Variants in NAALADL2 observed in about 807,000 individuals in gnomAD.
The protein encoded by NAALADL2 is N-acetylated alpha-linked acidic dipeptidase like 2.
In NAALADL2, 76 loss-of-function variants were observed where a neutral mutation model predicts 87.2. The observed-to-expected ratio is 0.87, with a 90% CI of 0.72 to 1.05. The LOEUF is 1.05. NAALADL2 is among the 50% of genes least tolerant of loss of function. The pLI is 0.00. For missense variants in NAALADL2, 1,089 were observed against 945.8 expected (o/e 1.15, Z -1.99); for synonymous variants, 354 against 331.0 (o/e 1.07, Z -0.75).
intron 9 of NAALADL2, among the ~76,000 whole-genome samples, chr3:175,486,533 T>A (rs554691662): frequency 1.3e-5 from 2 of 152,270 alleles, no homozygotes; most frequent in Admixed American, 1.3e-4. Flanking sequence ...TACTTCTGAC[T>A]TCTGTTTTTC....
chr3:174,668,726 C>G (rs1444310864), intron 2 of NAALADL2, among the ~76,000 whole-genome samples: 1 of 152,176 alleles, frequency 6.6e-6, no homozygotes, highest in Non-Finnish European at 1.5e-5. Flanking sequence ...CCAGCTTCAT[C>G]CATGTCCCTA....
intron 1 of NAALADL2, among the ~76,000 whole-genome samples, chr3:174,867,910 G>T (rs937362186): frequency 2.0e-5 from 3 of 152,000 alleles, no homozygotes; most frequent in Admixed American, 6.6e-5. Flanking sequence ...CTGTGTTACA[G>T]TGACTCTCGT....
intron 9 of NAALADL2, among the ~76,000 whole-genome samples, chr3:175,495,470 C>A (rs77534145): frequency 4.6e-5 from 7 of 152,196 alleles, no homozygotes; most frequent in Non-Finnish European, 1.0e-4. Flanking sequence ...AGACTTTCAA[C>A]TTACTTCTAG....
rs1430104604 is a variant in NAALADL2 at position 174,987,595 on chromosome 3, A to AAAT, written c.44-109193_44-109192insTAA. 3.2e-4 allele frequency among the ~76,000 whole-genome samples: 45 copies of AAAT among 141,952 alleles called. 1 individual carries two copies. The highest frequency in any genetic ancestry group is 1.2e-3 in the African/African-American group (44 of 36,122). 93.1% of individuals were successfully genotyped at this position (141,952 alleles called of 152,430 possible). ...AAAAAAAAAAAAAAAAAAAAAAAAA[A>AAAT]AAACAATACTCATCAGAGAGCATTA... is the stretch of plus-strand genomic sequence containing the variant. On this transcript the variant is annotated intron_variant, in intron 1 of 13. Coordinates refer to ENST00000454872, the MANE Select transcript of NAALADL2 (RefSeq NM_207015.3).
At chr3:174,583,313 CTA>C (rs1258010895) in intron 2 of NAALADL2, among the ~76,000 whole-genome samples, 1 of 152,156 alleles carries the variant, frequency 6.6e-6, no homozygotes, top group Non-Finnish European at 1.5e-5. Context: ...TGAATAATCA[CTA>C]AAGTACCATG....
chr3:175,697,187 T>A (rs984098260), intron 11 of NAALADL2, among the ~76,000 whole-genome samples: 2 of 152,052 alleles, frequency 1.3e-5, no homozygotes, highest in African/African-American at 4.8e-5. Flanking sequence ...TAAACTGGTC[T>A]CTAGAGGTAG....
chr3:175,496,339 A>G (rs750451711), intron 9 of NAALADL2, among the ~76,000 whole-genome samples: 9 of 151,934 alleles, frequency 5.9e-5, no homozygotes, highest in Non-Finnish European at 1.2e-4. Flanking sequence ...ATATTCTATT[A>G]TATCTTTAAA....
At chr3:175,157,610 G>A (rs1332474122) in intron 2 of NAALADL2, among the ~76,000 whole-genome samples, 2 of 152,012 alleles carry the variant, frequency 1.3e-5, no homozygotes, top group African/African-American at 4.8e-5. Context: ...ATCCACATTT[G>A]AACAGTAATG....
At chr3:174,782,691 T>C (rs912575216) in intron 3 of NAALADL2, among the ~76,000 whole-genome samples, 34 of 152,044 alleles carry the variant, frequency 2.2e-4, no homozygotes, top group African/African-American at 8.0e-4. Flanking sequence ...TCAGGAAACT[T>C]AGAATCATGG....
chr3:175,418,837 G>A lies in NAALADL2; in HGVS notation c.1091-28392G>A, dbSNP rs147856821. Among the ~76,000 whole-genome samples the A allele has an allele frequency of 2.1e-3, 315 of 152,032 alleles. 1 individual carries two copies. Among genetic ancestry groups the A allele is most frequent in the South Asian group, 0.014 (68 of 4,816 alleles). ...AGATTCTACAATAGTTCTGCTTCAG[G>A]CACTCAAATTAAATCTTTATAGTTT... is the stretch of plus-strand genomic sequence containing the variant. On this transcript the variant is annotated intron_variant, in intron 5 of 13. Coordinates refer to ENST00000454872, the MANE Select transcript of NAALADL2 (RefSeq NM_207015.3).
intron 1 of NAALADL2, among the ~76,000 whole-genome samples, chr3:175,073,655 G>T (rs1391495167): frequency 6.6e-6 from 1 of 152,020 alleles, no homozygotes; most frequent in African/African-American, 2.4e-5. Flanking sequence ...TTTCAAGTCT[G>T]TTCTACAGTT....
At chr3:175,743,553 T>C (rs1042852154) in intron 12 of NAALADL2, among the ~76,000 whole-genome samples, 1 of 152,218 alleles carries the variant, frequency 6.6e-6, no homozygotes, top group African/African-American at 2.4e-5. Context: ...GAATGCATTA[T>C]GATGGACCAG....
intron 13 of NAALADL2, among the ~76,000 whole-genome samples, chr3:175,760,324 G>A (rs1335942275): frequency 6.6e-6 from 1 of 152,108 alleles, no homozygotes; most frequent in African/African-American, 2.4e-5. Flanking sequence ...AATTTCTAAA[G>A]TCATTTCCAG....
chr3:174,562,414 A>T (rs937288091), intron 2 of NAALADL2, among the ~76,000 whole-genome samples: 4 of 152,198 alleles, frequency 2.6e-5, no homozygotes, highest in Non-Finnish European at 5.9e-5. Flanking sequence ...ACTGATTTAA[A>T]ACAGAGGGGA....
Position 175,324,046 on chromosome 3 carries a change from AAAAG to A in NAALADL2, c.940-125_940-122del, listed in dbSNP as rs1760353035. On this transcript the variant is annotated intron_variant, in intron 4 of 13. Transcript: ENST00000454872. Reference sequence around the variant, plus strand: ...AAACAAACAAAAAAAAAAAAAAAGAAAAAGAAAAAGAAAAAGAAAAAAAAACTGG... The same window carrying A: ...AAACAAACAAAAAAAAAAAAAAAGAAAAAAAGAAAAAGAAAAAAAAACTGG... The A allele has an allele frequency of 7.1e-5, 49 of 695,012 alleles. No homozygotes were observed. In the South Asian group the frequency reaches 1.1e-3, roughly 15 times the overall value. The allele number at this position is 695,012 out of a possible 1,614,324, so 43.1% of individuals were successfully genotyped here.
chr3:175,212,476 A>G (rs2109276894), intron 2 of NAALADL2, among the ~76,000 whole-genome samples: 1 of 152,246 alleles, frequency 6.6e-6, no homozygotes, highest in East Asian at 1.9e-4. Flanking sequence ...ATATGGTAAA[A>G]CAGTACATCT....
intron 1 of NAALADL2, among the ~76,000 whole-genome samples, chr3:174,479,121 A>T (rs977502813): frequency 1.3e-5 from 2 of 152,192 alleles, no homozygotes; most frequent in African/African-American, 4.8e-5. Context: ...AGATGAAACA[A>T]ATTTATGATA....
Position 175,692,770 on chromosome 3 carries a change from G to A in NAALADL2, c.1897-44536G>A, listed in dbSNP as rs1320731746. Among the ~76,000 whole-genome samples the A allele has an allele frequency of 3.9e-5, 6 of 152,168 alleles. No homozygotes were observed. The Middle Eastern group carries it at 0.01, about 259-fold the overall frequency. On this transcript the variant is annotated intron_variant, in intron 11 of 13. Transcript: ENST00000454872. ...GTTCTCCGTGCTCTCATTGAACTGT[G>A]GAAACAAAACTATGATGTTCCCTTC...
chr3:175,099,595 C>T (rs1721766850), intron 2 of NAALADL2, among the ~76,000 whole-genome samples: 1 of 152,124 alleles, frequency 6.6e-6, no homozygotes. Flanking sequence ...TAATTCCGTA[C>T]CTCCTAGTAG....
Sources: gnomAD v4.1 joint callset for allele counts (sites outside exome capture counted in the v4.1 genomes callset) on GRCh38, gnomAD v4.1.1 for gene constraint, MANE v1.5 for transcripts, NCBI Gene and HGNC (gene_info 2026-07-23, HGNC 2026-07-21) for gene names.